NEB: variants seen among roughly 807,000 people sequenced by gnomAD.
The protein encoded by NEB is nemaline myopathy type 2.
NEB carries 512 observed loss-of-function variants against 952.2 expected under a neutral mutation model. That is an observed-to-expected ratio of 0.54 (90% CI 0.50 to 0.58). The LOEUF is 0.58. NEB is among the 20% of genes least tolerant of loss of function. The pLI is 0.00. For synonymous variants in NEB, 2,900 were observed against 3,149.8 expected (o/e 0.92, Z 2.66); for missense variants, 8,428 against 9,231.1 (o/e 0.91, Z 3.56).
At chr2:151,544,450 G>C (rs1177662681) in intron 135 of NEB, among the ~76,000 whole-genome samples, 1 of 152,132 alleles carries the variant, frequency 6.6e-6, no homozygotes, top group East Asian at 1.9e-4. Context: ...CAGACACGGA[G>C]AATCAGTCTG....
chr2:151,506,861 G>A, intron 163 of NEB, 48 bp downstream of exon 163: 1 of 1,212,952 alleles, frequency 8.2e-7, no homozygotes, highest in Non-Finnish European at 1.2e-6. Flanking sequence ...AAAGAGGAGA[G>A]TGAAATGACT....
chr2:151,673,683 A>G (rs1559103748), intron 36 of NEB, among the ~76,000 whole-genome samples: 1 of 151,396 alleles, frequency 6.6e-6, no homozygotes, highest in Non-Finnish European at 1.5e-5. Flanking sequence ...GATAGCATGT[A>G]ACAGTGAACT....
chr2:151,648,874 T>C (rs1429504976), intron 54 of NEB, among the ~76,000 whole-genome samples: 1 of 152,212 alleles, frequency 6.6e-6, no homozygotes, highest in African/African-American at 2.4e-5. Context: ...GGTGTATCAG[T>C]TGATTCAGAA....
At chr2:151,508,493 A>G (rs1247437743) in intron 161 of NEB, among the ~76,000 whole-genome samples, 1 of 152,222 alleles carries the variant, frequency 6.6e-6, no homozygotes, top group African/African-American at 2.4e-5. Flanking sequence ...AGACTGTTCA[A>G]CAGGCAGGCG....
At chr2:151,542,288 C>T (rs2094166623) in intron 135 of NEB, among the ~76,000 whole-genome samples, 1 of 152,176 alleles carries the variant, frequency 6.6e-6, no homozygotes, top group South Asian at 2.1e-4. Flanking sequence ...TGGCCCCTTT[C>T]ACCCAGTACA....
At position 151,666,883 on chromosome 2, in the gene NEB, A is replaced by G. The variant is rs545121121; in HGVS notation, c.4720-482T>C. On this transcript the variant is annotated intron_variant, in intron 40 of 181. Transcript: ENST00000397345. ...GGTCAATGTATGCTTTTTTATGACTATATTTCCATTATTAATTTGTATTAC... is the reference window on the plus strand; with the variant it reads ...GGTCAATGTATGCTTTTTTATGACTGTATTTCCATTATTAATTTGTATTAC... 1.7e-4 allele frequency among the ~76,000 whole-genome samples: 26 copies of G among 152,138 alleles called. No individual in the cohort carries two copies. The South Asian group carries it at 5.4e-3, about 32-fold the overall frequency.
At chr2:151,555,942 G>C (rs2153672352) in intron 124 of NEB, among the ~76,000 whole-genome samples, 1 of 150,868 alleles carries the variant, frequency 6.6e-6, no homozygotes, top group South Asian at 2.1e-4. Flanking sequence ...TTCTTTTAAA[G>C]GATTAATTTC....
In NEB at chr2:151,667,834, A is replaced by G; in HGVS notation, c.4689T>C (p.Ala1563=). The G allele has an allele frequency of 6.2e-7, 1 of 1,612,622 alleles. No individual in the cohort carries two copies. The highest frequency in any genetic ancestry group is 8.5e-7 in the Non-Finnish European group (1 of 1,178,898). The change falls in exon 40 of 182, where the codon GCT becomes GCC. Residue 1563 remains alanine, a synonymous_variant. Coordinates refer to ENST00000397345, the MANE Select transcript of NEB (RefSeq NM_001164508.2). ...DLRPDAIPIV[A]AKSSRNIASD... ...TAGCAATATTCCTTGAACTTTTTGCAGCAACAATTGGGATGGCATCTGGTC... is the reference window on the plus strand; with the variant it reads ...TAGCAATATTCCTTGAACTTTTTGCGGCAACAATTGGGATGGCATCTGGTC...
Position 151,610,773 on chromosome 2 carries a change from T to G in NEB, c.11899A>C (p.Asn3967His). The change falls in exon 79 of 182, where the codon AAT becomes CAT. Residue 3967 changes from asparagine to histidine, a missense_variant. By Grantham distance (68) the Asn-to-His change is moderately conservative. Transcript: ENST00000397345. ...AGGAAATCTCTTACTTGGCTGATATTGGCAGAATTACTCTTGGCCAGCAGG... is the reference window on the plus strand; with the variant it reads ...AGGAAATCTCTTACTTGGCTGATATGGGCAGAATTACTCTTGGCCAGCAGG... ...DILLAKSNSA[N>H]ISQKLYTKGW... 1 of 1,609,014 alleles carries G rather than the reference T, an allele frequency of 6.2e-7. No homozygotes were observed. Among genetic ancestry groups the G allele is most frequent in the Non-Finnish European group, 8.5e-7 (1 of 1,176,958 alleles).
At chr2:151,650,546 T>G (rs190843599) in intron 53 of NEB, 28 bp downstream of exon 53, 6 of 1,525,352 alleles carry the variant, frequency 3.9e-6, no homozygotes, top group Middle Eastern at 3.7e-4. Flanking sequence ...AATTAATATA[T>G]AAACTATTGG....
chr2:151,523,298 G>C (rs1279700974), intron 153 of NEB, among the ~76,000 whole-genome samples: 1 of 152,018 alleles, frequency 6.6e-6, no homozygotes, highest in East Asian at 1.9e-4. Context: ...AATAATATTT[G>C]CTTTTCATCA....
intron 46 of NEB, 21 bp downstream of exon 46, chr2:151,662,114 C>T: frequency 1.3e-6 from 2 of 1,589,480 alleles, no homozygotes; most frequent in Non-Finnish European, 1.7e-6. Context: ...ATATGAAACA[C>T]TGCATTATTG....
intron 142 of NEB, chr2:151,534,399 A>G: frequency 8.3e-7 from 1 of 1,206,078 alleles, no homozygotes; most frequent in Non-Finnish European, 1.2e-6. Flanking sequence ...AACACTCCAG[A>G]GGGCCAGAAC....
In NEB at chr2:151,719,362, TTTCCC is replaced by T. The variant is rs1444347338; in HGVS notation, c.718-1847_718-1843del. Reference sequence around the variant, plus strand: ...ACAACTGTGAAGTTTCTACGATTATTTTCCCTTCCTCATGGCAGTGTTCTTATTTA... The same window carrying T: ...ACAACTGTGAAGTTTCTACGATTATTTTCCTCATGGCAGTGTTCTTATTTA... On this transcript the variant is annotated intron_variant, in intron 9 of 181. Coordinates refer to ENST00000397345, the MANE Select transcript of NEB (RefSeq NM_001164508.2). Among the ~76,000 whole-genome samples, 5 of 152,334 alleles carry T rather than the reference TTTCCC, an allele frequency of 3.3e-5. No homozygotes were observed. In the South Asian group the frequency reaches 8.3e-4, roughly 25 times the overall value.
chr2:151,566,143 C>T (rs996250133), intron 114 of NEB, among the ~76,000 whole-genome samples: 7 of 152,116 alleles, frequency 4.6e-5, no homozygotes, highest in Non-Finnish European at 8.8e-5. Context: ...CTGCTATCGT[C>T]ATAAGAAAAG....
At chr2:151,546,634 C>A (rs552308369) in intron 133 of NEB, among the ~76,000 whole-genome samples, 191 bp from the exon 134 acceptor site, 1 of 149,184 alleles carries the variant, frequency 6.7e-6, no homozygotes, top group South Asian at 2.1e-4. Flanking sequence ...TCTTGGCTGA[C>A]TGCAACCTCC....
intron 9 of NEB, 22 bp from the exon 10 acceptor site, chr2:151,717,542 A>ATCCC: frequency 6.5e-7 from 1 of 1,538,534 alleles, no homozygotes; most frequent in Non-Finnish European, 9.0e-7. Context: ...AAAGACAGGG[A>ATCCC]TGTATTTTAA....
chr2:151,697,576 G>A lies in NEB; in HGVS notation c.1225C>T (p.Leu409Phe), dbSNP rs373883986. ...CTGAAGTTCTGCAGAACAGTATCGA[G>A]CTTGAATTTGGGGGTCTCGCAGTAA... is the stretch of plus-strand genomic sequence containing the variant. ...INYCETPKFK[L>F]DTVLQNFSSD... Residue 409 changes from leucine to phenylalanine, a missense_variant, in exon 14 of 182, where the codon CTC becomes TTC. Leu to Phe is a conservative substitution (Grantham distance 22). Around this residue, in one of 11 missense-constraint regions of NEB, gnomAD observed 2,851 missense variants for 2,791.5 expected, o/e 1.02. Transcript: ENST00000397345. 18 of 1,613,172 alleles carry A rather than the reference G, an allele frequency of 1.1e-5. No homozygotes were observed. Among genetic ancestry groups the A allele is most frequent in the Admixed American group, 1.7e-5 (1 of 59,868 alleles).
intron 13 of NEB, among the ~76,000 whole-genome samples, chr2:151,704,828 C>T (rs1269782038): frequency 1.3e-5 from 2 of 152,224 alleles, no homozygotes; most frequent in Non-Finnish European, 2.9e-5. Flanking sequence ...TTCTGCGTCG[C>T]TCGCTCACGC....
Sources: allele counts gnomAD v4.1 joint callset (sites outside exome capture counted in the v4.1 genomes callset), GRCh38; gene constraint gnomAD v4.1.1; regional missense constraint gnomAD v4.1.1; transcripts MANE v1.5; gene names NCBI Gene and HGNC (gene_info 2026-07-23, HGNC 2026-07-21).